Variants in RXFP2 observed in about 807,000 individuals in gnomAD.
RXFP2 encodes the protein relaxin family peptide receptor 2.
A neutral mutation model predicts 88.6 loss-of-function variants in RXFP2; 68 were observed. That is an observed-to-expected ratio of 0.77 (90% CI 0.63 to 0.94). The LOEUF (loss-of-function observed/expected upper bound fraction) is 0.94. RXFP2 is among the 40% of genes least tolerant of loss of function. RXFP2 has a pLI of 0.00. For synonymous variants in RXFP2, 329 were observed against 306.8 expected (o/e 1.07, Z -0.76); for missense variants, 791 against 893.9 (o/e 0.88, Z 1.47).
At chr13:31,779,587 A>C (rs955109559) in intron 9 of RXFP2, among the ~76,000 whole-genome samples, 2 of 152,118 alleles carry the variant, frequency 1.3e-5, no homozygotes, top group Admixed American at 6.6e-5. Context: ...TCGTACCTTC[A>C]CCACCATTAC....
chr13:31,747,961 C>A (rs554259707), intron 1 of RXFP2, among the ~76,000 whole-genome samples: 2 of 152,120 alleles, frequency 1.3e-5, no homozygotes, highest in Admixed American at 6.5e-5. Flanking sequence ...AAAGTCAGAG[C>A]TGCAAAGAAT....
chr13:31,779,643 C>T (rs938720179), intron 9 of RXFP2, among the ~76,000 whole-genome samples: 1 of 152,144 alleles, frequency 6.6e-6, no homozygotes, highest in Non-Finnish European at 1.5e-5. Flanking sequence ...CTGCAACAAC[C>T]AGGATTGTCA....
Position 31,797,436 on chromosome 13 carries a change from A to G in RXFP2, c.2005+17A>G, listed in dbSNP as rs543581351. The G allele has an allele frequency of 2.2e-5, 35 of 1,569,954 alleles. No individual in the cohort carries two copies. The highest frequency in any genetic ancestry group is 1.7e-4 in the Middle Eastern group (1 of 5,856). On this transcript the variant is annotated intron_variant, in intron 17 of 17. Transcript: ENST00000298386. The stretch of plus-strand genomic sequence containing the variant: ...AAATACCAGGTCAGTCTCTTCTATC[A>G]TTCCCAAGTATAATACATCGTGCCT...
chr13:31,793,663 C>A (rs1248779879), intron 16 of RXFP2, among the ~76,000 whole-genome samples: 4 of 152,070 alleles, frequency 2.6e-5, no homozygotes, highest in Non-Finnish European at 5.9e-5. Context: ...AAATGAATGA[C>A]AAATTTAGCC....
At chr13:31,796,524 T>G (rs1874057267) in intron 16 of RXFP2, among the ~76,000 whole-genome samples, 1 of 152,168 alleles carries the variant, frequency 6.6e-6, no homozygotes, top group African/African-American at 2.4e-5. Flanking sequence ...GGTTTGAATC[T>G]GCAGAGAGCT....
intron 1 of RXFP2, among the ~76,000 whole-genome samples, 178 bp from the exon 2 acceptor site, chr13:31,758,080 G>T (rs9594382): frequency 1.3e-5 from 2 of 151,904 alleles, no homozygotes; most frequent in East Asian, 3.9e-4. Flanking sequence ...GCAAGACTCC[G>T]TCTAAAAATA....
At chr13:31,772,050 T>C (rs1872754738) in intron 5 of RXFP2, among the ~76,000 whole-genome samples, 1 of 152,232 alleles carries the variant, frequency 6.6e-6, no homozygotes. Context: ...TTGATCAGTT[T>C]ATTCATTTTA....
Position 31,792,052 on chromosome 13 carries a change from T to C in RXFP2, c.1375+17T>C, listed in dbSNP as rs1215397251. ...TCCTTTGTTGTAAGTATGTTTCCAG[T>C]ATAAGTAGATTAAGGATATCTTCTG... is the stretch of plus-strand genomic sequence containing the variant. On this transcript the variant is annotated intron_variant, in intron 15 of 17. Transcript: ENST00000298386. The C allele has an allele frequency of 6.5e-7, 1 of 1,546,032 alleles. No homozygotes were observed. Among genetic ancestry groups the C allele is most frequent in the Admixed American group, 1.7e-5 (1 of 59,910 alleles).
chr13:31,781,040 G>T (rs529632126), intron 9 of RXFP2, among the ~76,000 whole-genome samples: 1 of 152,170 alleles, frequency 6.6e-6, no homozygotes, highest in Non-Finnish European at 1.5e-5. Flanking sequence ...CACACAGATC[G>T]GGATTCACAT....
chr13:31,768,681 A>G (rs1201962485), intron 5 of RXFP2, among the ~76,000 whole-genome samples: 2 of 152,156 alleles, frequency 1.3e-5, no homozygotes, highest in African/African-American at 2.4e-5. Flanking sequence ...AAAATAACTC[A>G]AGTTCTTTAT....
chr13:31,802,433 G>A lies in RXFP2; in HGVS notation c.*28G>A. On this transcript the variant is annotated 3_prime_UTR_variant, in exon 18 of 18. Coordinates refer to ENST00000298386, the MANE Select transcript of RXFP2 (RefSeq NM_130806.5). ...ATCATTTTGGATCACTGGACTTTCAGTGGACTACCTAAAACAGGGGACAGC... is the reference window on the plus strand; with the variant it reads ...ATCATTTTGGATCACTGGACTTTCAATGGACTACCTAAAACAGGGGACAGC... The A allele has an allele frequency of 1.2e-6, 2 of 1,610,354 alleles. No individual in the cohort carries two copies. The highest frequency in any genetic ancestry group is 1.3e-5 in the African/African-American group (1 of 75,000).
intron 12 of RXFP2, 44 bp downstream of exon 12, chr13:31,786,498 T>G: frequency 6.5e-7 from 1 of 1,549,570 alleles, no homozygotes; most frequent in Non-Finnish European, 8.9e-7. Context: ...AGGGCAATAT[T>G]TTGAGCTTTC....
chr13:31,794,404 A>ACACC (rs1555286038), intron 16 of RXFP2, among the ~76,000 whole-genome samples: 13 of 114,314 alleles, frequency 1.1e-4, no homozygotes, highest in African/African-American at 4.0e-4. Context: ...ACACACACAC[A>ACACC]CACACCATGA....
At chr13:31,743,889 G>T (rs1871306979) in intron 1 of RXFP2, among the ~76,000 whole-genome samples, 1 of 151,754 alleles carries the variant, frequency 6.6e-6, no homozygotes, top group African/African-American at 2.4e-5. Flanking sequence ...CCCATTCTCG[G>T]TAACTCTCAC....
rs952488071 is a variant in RXFP2 at position 31,803,258 on chromosome 13, A to G, written c.*853A>G. On this transcript the variant is annotated 3_prime_UTR_variant, in exon 18 of 18. Coordinates refer to ENST00000298386, the MANE Select transcript of RXFP2 (RefSeq NM_130806.5). The stretch of plus-strand genomic sequence containing the variant: ...TATGGTTTTATTTGGGACTGTTTGC[A>G]TACTCACAATGGTTTTGTTCTCATT... 2.0e-5 allele frequency: 3 copies of G among 152,246 alleles called. No homozygotes were observed. Among genetic ancestry groups the G allele is most frequent in the Non-Finnish European group, 4.4e-5 (3 of 68,044 alleles). 9.4% of individuals were successfully genotyped at this position (152,246 alleles called of 1,614,324 possible).
chr13:31,774,667 T>C lies in RXFP2; in HGVS notation c.545T>C (p.Phe182Ser). The C allele has an allele frequency of 6.5e-7, 1 of 1,548,536 alleles. No homozygotes were observed. Among genetic ancestry groups the C allele is most frequent in the Non-Finnish European group, 8.9e-7 (1 of 1,120,428 alleles). The stretch of plus-strand genomic sequence containing the variant: ...AGACACATATCCAGGAAAGCATTTT[T>C]TGGATTATGTAATCTGCAAATATTG... ...CIRHISRKAF[F>S]GLCNLQILYL... is the part of the protein sequence containing the mutation. Residue 182 changes from phenylalanine (F) to serine (S), a missense_variant, in exon 6 of 18, where the codon TTT (phenylalanine) becomes TCT (serine). Transcript: ENST00000298386.
At chr13:31,786,544 C>T (rs777625580) in intron 12 of RXFP2, 22 bp from the exon 13 acceptor site, 3 of 1,517,550 alleles carry the variant, frequency 2.0e-6, no homozygotes, top group South Asian at 1.1e-5. Context: ...TTTCCTCTCT[C>T]ATCTAATGGT....
chr13:31,774,055 C>A (rs1175126228), intron 5 of RXFP2, among the ~76,000 whole-genome samples: 1 of 152,208 alleles, frequency 6.6e-6, no homozygotes, highest in Non-Finnish European at 1.5e-5. Flanking sequence ...TTAAGTCAGT[C>A]CTGATCCTAT....
intron 11 of RXFP2, among the ~76,000 whole-genome samples, chr13:31,786,077 C>CA (rs1873524066): frequency 6.6e-6 from 1 of 152,112 alleles, no homozygotes. Context: ...TAGAAGTGTA[C>CA]AAAGAGTATC....
Sources: allele counts gnomAD v4.1 joint callset (sites outside exome capture counted in the v4.1 genomes callset), GRCh38; gene constraint gnomAD v4.1.1; transcripts MANE v1.5; gene names NCBI Gene and HGNC (gene_info 2026-07-23, HGNC 2026-07-21).